The following AKAP6 variants were observed in gnomAD, a reference collection of about 807,000 sequenced individuals.
AKAP6 encodes A-kinase anchor protein 6.
Under a neutral mutation model 188.5 loss-of-function variants are expected in AKAP6, and 58 were observed. That is an observed-to-expected ratio of 0.31 (90% CI 0.25 to 0.38). The LOEUF is 0.38. Among genes scored for constraint, AKAP6 ranks in the 10% least tolerant of loss-of-function variants. The pLI, the probability that AKAP6 is intolerant of heterozygous loss-of-function variation, is 1.00. For synonymous variants in AKAP6, 989 were observed against 998.6 expected (o/e 0.99, Z 0.18); for missense variants, 2,710 against 2,740.0 (o/e 0.99, Z 0.24).
chr14:32,567,670 C>T (rs540411411), intron 4 of AKAP6, among the ~76,000 whole-genome samples: 67 of 152,222 alleles, frequency 4.4e-4, no homozygotes, highest in Middle Eastern at 6.8e-3. Flanking sequence ...TAGTATTCTG[C>T]AAATACTCCC....
intron 9 of AKAP6, among the ~76,000 whole-genome samples, chr14:32,708,157 A>G (rs1239297094): frequency 6.6e-6 from 1 of 152,136 alleles, no homozygotes; most frequent in Non-Finnish European, 1.5e-5. Context: ...CAATAGATGT[A>G]GGTGAATATC....
At chr14:32,653,506 C>T (rs1452459622) in intron 7 of AKAP6, among the ~76,000 whole-genome samples, 1 of 152,146 alleles carries the variant, frequency 6.6e-6, no homozygotes, top group East Asian at 1.9e-4. Flanking sequence ...ACACCTGCTC[C>T]GTCTTCATCT....
At chr14:32,375,500 C>CG (rs1888131126) in intron 1 of AKAP6, among the ~76,000 whole-genome samples, 1 of 127,824 alleles carries the variant, frequency 7.8e-6, no homozygotes. Flanking sequence ...TTAGAGTAAG[C>CG]AAAAAAAAAA....
At chr14:32,650,319 G>C (rs1888158523) in intron 7 of AKAP6, among the ~76,000 whole-genome samples, 1 of 152,134 alleles carries the variant, frequency 6.6e-6, no homozygotes, top group African/African-American at 2.4e-5. Context: ...CTGACTTCTA[G>C]ATGCTAAATA....
At chr14:32,369,888 G>A (rs892575869) in intron 1 of AKAP6, among the ~76,000 whole-genome samples, 5 of 151,960 alleles carry the variant, frequency 3.3e-5, no homozygotes, top group South Asian at 4.2e-4. Context: ...AAAATTAGCC[G>A]GGCATGTTGG....
chr14:32,770,148 T>C (rs1566699105), intron 11 of AKAP6, among the ~76,000 whole-genome samples: 1 of 152,158 alleles, frequency 6.6e-6, no homozygotes, highest in African/African-American at 2.4e-5. Flanking sequence ...TTGCCACTGG[T>C]AAATTGAAAA....
rs1250061130 is a variant in AKAP6 at position 32,622,600 on chromosome 14, A to AATTGATTAG, written c.2730+21811_2730+21819dup. Among the ~76,000 whole-genome samples, 3 of 152,144 alleles carry AATTGATTAG rather than the reference A, an allele frequency of 2.0e-5. No homozygotes were observed. In the East Asian group the frequency reaches 5.8e-4, roughly 29 times the overall value. On this transcript the variant is annotated intron_variant, in intron 7 of 13. Coordinates refer to ENST00000280979, the MANE Select transcript of AKAP6 (RefSeq NM_004274.5). ...CTCTCCCTCCCTCAAAGGGTTATTG[A>AATTGATTAG]ATTGATTAGATGAAATATATGAAAT... is the stretch of plus-strand genomic sequence containing the variant.
At chr14:32,578,852 C>A (rs188577963) in intron 5 of AKAP6, among the ~76,000 whole-genome samples, 1 of 152,118 alleles carries the variant, frequency 6.6e-6, no homozygotes, top group East Asian at 1.9e-4. Context: ...AATGATATGG[C>A]CTCTTTGTAA....
intron 2 of AKAP6, among the ~76,000 whole-genome samples, chr14:32,518,235 T>C (rs745694959): frequency 3.7e-4 from 56 of 152,074 alleles, no homozygotes; most frequent in African/African-American, 1.3e-3. Context: ...ACCACAAAGA[T>C]AGGGAGAAAC....
chr14:32,689,554 A>G (rs1381826239), intron 8 of AKAP6, among the ~76,000 whole-genome samples: 1 of 152,152 alleles, frequency 6.6e-6, no homozygotes, highest in African/African-American at 2.4e-5. Context: ...TTGCTCATGA[A>G]TTTTCATTCA....
At chr14:32,424,531 CA>C (rs1402217361) in intron 1 of AKAP6, among the ~76,000 whole-genome samples, 1 of 151,960 alleles carries the variant, frequency 6.6e-6, no homozygotes, top group African/African-American at 2.4e-5. Flanking sequence ...TTCAGGGGTA[CA>C]AGTGCAGGTC....
intron 8 of AKAP6, among the ~76,000 whole-genome samples, chr14:32,684,261 G>T (rs1889815470): frequency 1.3e-5 from 2 of 152,098 alleles, no homozygotes; most frequent in African/African-American, 4.8e-5. Flanking sequence ...TGCCCTCCCT[G>T]CCAGGTGAAC....
chr14:32,530,495 T>C (rs374514838), intron 2 of AKAP6, among the ~76,000 whole-genome samples: 17 of 152,106 alleles, frequency 1.1e-4, no homozygotes, highest in Non-Finnish European at 2.4e-4. Context: ...GCCCTGGAGA[T>C]TGGCAATTTG....
chr14:32,714,395 T>C (rs1171240143), intron 9 of AKAP6, among the ~76,000 whole-genome samples: 1 of 152,006 alleles, frequency 6.6e-6, no homozygotes, highest in Non-Finnish European at 1.5e-5. Flanking sequence ...TTGTAAACAT[T>C]GTAGTATCTG....
intron 4 of AKAP6, among the ~76,000 whole-genome samples, chr14:32,550,146 G>A (rs903105644): frequency 1.1e-4 from 16 of 152,170 alleles, no homozygotes; most frequent in South Asian, 6.2e-4. Flanking sequence ...GTTTTAACCC[G>A]ATGATGACTA....
intron 11 of AKAP6, among the ~76,000 whole-genome samples, chr14:32,744,445 T>A (rs1349399689): frequency 6.6e-6 from 1 of 151,916 alleles, no homozygotes; most frequent in African/African-American, 2.4e-5. Context: ...GCCTCATGAG[T>A]AGCTGGGACT....
intron 1 of AKAP6, among the ~76,000 whole-genome samples, chr14:32,415,454 C>T (rs1889627160): frequency 6.6e-6 from 1 of 152,144 alleles, no homozygotes; most frequent in South Asian, 2.1e-4. Flanking sequence ...TCTATCCATA[C>T]TTACATTGCT....
chr14:32,592,442 A>T (rs901731283), intron 5 of AKAP6, among the ~76,000 whole-genome samples: 2 of 152,176 alleles, frequency 1.3e-5, no homozygotes, highest in African/African-American at 4.8e-5. Flanking sequence ...ATCTTAAAGG[A>T]TGCCCAGGGC....
chr14:32,410,671 C>A (rs896296576), intron 1 of AKAP6, among the ~76,000 whole-genome samples: 1 of 152,002 alleles, frequency 6.6e-6, no homozygotes, highest in African/African-American at 2.4e-5. Flanking sequence ...ATTAAGATAA[C>A]AAATGTTCCT....
Sources: gnomAD v4.1 joint callset for allele counts (sites outside exome capture counted in the v4.1 genomes callset) on GRCh38, gnomAD v4.1.1 for gene constraint, MANE v1.5 for transcripts, NCBI Gene and HGNC (gene_info 2026-07-23, HGNC 2026-07-21) for gene names.